CPA4: variants seen among roughly 807,000 people sequenced by gnomAD.
The protein encoded by CPA4 is carboxypeptidase A3.
In CPA4, 49 loss-of-function variants were observed where a neutral mutation model predicts 54.7. That is an observed-to-expected ratio of 0.90 (90% CI 0.71 to 1.14). The LOEUF (loss-of-function observed/expected upper bound fraction) is 1.14. CPA4 is among the 50% of genes most tolerant of loss of function. The probability of loss-of-function intolerance (pLI) is 0.00; values close to 1 mark genes in which losing one functional copy is unlikely to be tolerated. For missense variants in CPA4, 487 were observed against 525.1 expected (o/e 0.93, Z 0.71); for synonymous variants, 215 against 206.8 (o/e 1.04, Z -0.34).
At chr7:130,300,341 T>C (rs1793720060) in intron 3 of CPA4, among the ~76,000 whole-genome samples, 1 of 150,022 alleles carries the variant, frequency 6.7e-6, no homozygotes, top group African/African-American at 2.5e-5. Context: ...AAATTTTTTT[T>C]TTTTTTTTTT....
chr7:130,318,933 A>G (rs1281801161), intron 10 of CPA4, among the ~76,000 whole-genome samples: 1 of 152,184 alleles, frequency 6.6e-6, no homozygotes, highest in African/African-American at 2.4e-5. Context: ...AATGGATTTT[A>G]CACTCTTCTG....
At position 130,310,741 on chromosome 7, in the gene CPA4, T is replaced by C. The variant is rs765672889; in HGVS notation, c.794-46T>C. 5 of 1,569,302 alleles carry C rather than the reference T, an allele frequency of 3.2e-6. No homozygotes were observed. In the Admixed American group the frequency reaches 6.7e-5, roughly 21 times the overall value. On this transcript the variant is annotated intron_variant, in intron 8 of 10. Transcript: ENST00000222482. This position sits in a 1 kb window ranked among gnomAD's most constrained non-coding sequence, Gnocchi z 4.3. ...AGGTGGAGCGTCTTGCATTTCTGTG[T>C]TCTTGGACTATGAGTTAATGTTTGT...
chr7:130,322,206 A>G (rs573368143), intron 10 of CPA4, among the ~76,000 whole-genome samples: 5 of 152,100 alleles, frequency 3.3e-5, no homozygotes, highest in Admixed American at 1.3e-4. Context: ...TATACTCTCT[A>G]TAGAGATTGG....
intron 9 of CPA4, 43 bp downstream of exon 9, chr7:130,311,029 C>T (rs1406468105): frequency 6.6e-7 from 1 of 1,512,124 alleles, no homozygotes; most frequent in Non-Finnish European, 9.2e-7. Context: ...GCCCGCCTGA[C>T]CCTCCTGGCG....
chr7:130,305,035 T>C (rs1793798346), intron 5 of CPA4, among the ~76,000 whole-genome samples: 1 of 152,008 alleles, frequency 6.6e-6, no homozygotes, highest in African/African-American at 2.4e-5. Flanking sequence ...TCCAAATATT[T>C]CTAACAGATT....
chr7:130,322,731 G>C lies in CPA4; in HGVS notation c.*55G>C. The C allele has an allele frequency of 6.5e-7, 1 of 1,536,804 alleles. No individual in the cohort carries two copies. ...TGTACCCACACGTGCACGCACTGAG[G>C]CCATTGTTAAAGGAGCTCTTTCCTA... On this transcript the variant is annotated 3_prime_UTR_variant, in exon 11 of 11. Coordinates refer to ENST00000222482, the MANE Select transcript of CPA4 (RefSeq NM_016352.4).
At chr7:130,304,246 G>A (rs184812184) in intron 4 of CPA4, among the ~76,000 whole-genome samples, 9 of 152,194 alleles carry the variant, frequency 5.9e-5, no homozygotes, top group Non-Finnish European at 1.2e-4. Context: ...CTCTACTCTA[G>A]TTTAGTGGAC....
intron 10 of CPA4, among the ~76,000 whole-genome samples, chr7:130,312,592 A>T (rs1334720004): frequency 6.6e-6 from 1 of 152,140 alleles, no homozygotes; most frequent in Non-Finnish European, 1.5e-5. Context: ...ATAGTGAGTA[A>T]ATCTCATGAG....
rs555570892 is a variant in CPA4, at chr7:130,304,358, T to C, written c.385-120T>C. 3,401 of 754,112 alleles carry C rather than the reference T, an allele frequency of 4.5e-3. 46 individuals carry two copies. In the Middle Eastern group the frequency reaches 0.061, roughly 14 times the overall value. 46.7% of individuals were successfully genotyped at this position (754,112 alleles called of 1,614,324 possible). A position where few individuals can be genotyped will look rare whatever the true frequency, so the allele number is the denominator to read the frequency against. ...CAGCGTTTCCATGCCGATAATATGG[T>C]CAATTCCAAGATTAGGGTCCCGGAA... On this transcript the variant is annotated intron_variant, in intron 4 of 10. Transcript: ENST00000222482.
At chr7:130,298,719 C>T (rs1205016025) in intron 1 of CPA4, 27 bp from the exon 2 acceptor site, 2 of 1,455,012 alleles carry the variant, frequency 1.4e-6, no homozygotes, top group East Asian at 4.5e-5. Flanking sequence ...ATCTTTTGCT[C>T]TTTTTTCCTT....
intron 10 of CPA4, 112 bp from the exon 11 acceptor site, chr7:130,322,377 G>A (rs1297766591): frequency 2.5e-6 from 2 of 809,088 alleles, no homozygotes; most frequent in African/African-American, 1.7e-5. Flanking sequence ...ATGACTTGAG[G>A]AGCAAACTCT....
At chr7:130,319,750 G>A (rs1794057585) in intron 10 of CPA4, among the ~76,000 whole-genome samples, 1 of 152,234 alleles carries the variant, frequency 6.6e-6, no homozygotes, top group African/African-American at 2.4e-5. Flanking sequence ...GCAATCTCTT[G>A]GAGCTGCTCT....
chr7:130,300,386 A>G (rs1310829925), intron 3 of CPA4, among the ~76,000 whole-genome samples: 1 of 143,606 alleles, frequency 7.0e-6, no homozygotes, highest in Non-Finnish European at 1.5e-5. Context: ...GCCAGGCTAG[A>G]GTATAATGGT....
chr7:130,319,183 CA>C (rs1156725323), intron 10 of CPA4, among the ~76,000 whole-genome samples: 1 of 152,218 alleles, frequency 6.6e-6, no homozygotes, highest in Non-Finnish European at 1.5e-5. Context: ...CAGCCTCTAG[CA>C]ACCCTTTCCC....
At chr7:130,308,064 G>T (rs886184086) in intron 7 of CPA4, 2 of 524,824 alleles carry the variant, frequency 3.8e-6, no homozygotes, top group East Asian at 3.2e-5. Flanking sequence ...GTATCTGACT[G>T]GTTCTAGCAT....
intron 2 of CPA4, 101 bp from the exon 3 acceptor site, chr7:130,299,169 C>A: frequency 7.8e-7 from 1 of 1,281,568 alleles, no homozygotes; most frequent in Non-Finnish European, 1.1e-6. Flanking sequence ...CCTAGCCTCT[C>A]AGGGATCACC....
At chr7:130,313,070 A>G (rs755462685) in intron 10 of CPA4, among the ~76,000 whole-genome samples, 4 of 152,134 alleles carry the variant, frequency 2.6e-5, no homozygotes, top group Non-Finnish European at 5.9e-5. Context: ...TCCAGACCTT[A>G]TAGTTATAAA....
At position 130,308,359 on chromosome 7, in the gene CPA4, G is replaced by A; in HGVS notation, c.755G>A (p.Gly252Asp). Residue 252 changes from glycine (G) to aspartate (D), a missense_variant, in exon 8 of 11, where the codon GGT (glycine) becomes GAT (aspartate). By Grantham distance (94) the Gly-to-Asp change is moderately conservative (BLOSUM62 -1). Transcript: ENST00000222482. ...CGAAATCCTGGAAGCTCCTGCATTG[G>A]TGCTGACCCAAATAGAAACTGGAAC... Reference protein sequence around the residue: ...RSRNPGSSCIGADPNRNWNAS... With the variant: ...RSRNPGSSCIDADPNRNWNAS... 6.2e-7 allele frequency: 1 copy of A among 1,614,202 alleles called. No homozygotes were observed. The highest frequency in any genetic ancestry group is 8.5e-7 in the Non-Finnish European group (1 of 1,180,042).
intron 7 of CPA4, among the ~76,000 whole-genome samples, chr7:130,307,099 A>G (rs6953458): frequency 0.37 from 56,222 of 152,000 alleles, 10,421 homozygotes; most frequent in Non-Finnish European, 0.4. Context: ...CCCTATCATG[A>G]GTCTTAACAA....
Sources: gnomAD v4.1 joint callset for allele counts (sites outside exome capture counted in the v4.1 genomes callset) on GRCh38, gnomAD v4.1.1 for gene constraint, Gnocchi (gnomAD v3.1) non-coding constraint, MANE v1.5 for transcripts, NCBI Gene and HGNC (gene_info 2026-07-23, HGNC 2026-07-21) for gene names.